The following KCNMA1 variants were observed in gnomAD, a reference collection of about 807,000 sequenced individuals.
KCNMA1 encodes potassium calcium-activated channel subfamily M alpha 1.
KCNMA1 carries 29 observed loss-of-function variants against 140.0 expected under a neutral mutation model. The ratio of observed to expected loss-of-function variants is 0.21; its 90% confidence interval spans 0.15 to 0.28. The LOEUF is 0.28. KCNMA1 is among the 10% of genes least tolerant of loss of function. The pLI is 1.00. For synonymous variants in KCNMA1, 612 were observed against 611.9 expected (o/e 1.00, Z 0.00); for missense variants, 880 against 1,602.2 (o/e 0.55, Z 7.70).
intron 3 of KCNMA1, among the ~76,000 whole-genome samples, chr10:77,238,264 C>T (rs891911860): frequency 8.5e-5 from 13 of 152,152 alleles, no homozygotes; most frequent in African/African-American, 3.1e-4. Flanking sequence ...ACAGAAGTGG[C>T]AGCTTTTGCA....
At chr10:77,439,209 G>T (rs2097341695) in intron 1 of KCNMA1, among the ~76,000 whole-genome samples, 1 of 152,106 alleles carries the variant, frequency 6.6e-6, no homozygotes, top group Non-Finnish European at 1.5e-5. Flanking sequence ...AGGTTGAAAG[G>T]ATTTCACAGA....
intron 19 of KCNMA1, among the ~76,000 whole-genome samples, chr10:76,984,248 G>A (rs2080509243): frequency 6.6e-6 from 1 of 151,926 alleles, no homozygotes; most frequent in Non-Finnish European, 1.5e-5. Context: ...AGGCTCCCAG[G>A]CTGGAATGCA....
intron 23 of KCNMA1, among the ~76,000 whole-genome samples, chr10:76,923,454 G>T (rs962178830): frequency 6.6e-6 from 1 of 150,444 alleles, no homozygotes; most frequent in African/African-American, 2.4e-5. Flanking sequence ...AAGAAAAAAA[G>T]AATTCGCTTA....
intron 1 of KCNMA1, among the ~76,000 whole-genome samples, chr10:77,409,408 C>T (rs1158871645): frequency 2.0e-5 from 3 of 152,216 alleles, no homozygotes. Context: ...AGCCAGGTGA[C>T]CACCGGGCCA....
chr10:77,272,098 T>G (rs779538873), intron 2 of KCNMA1, among the ~76,000 whole-genome samples: 1 of 152,206 alleles, frequency 6.6e-6, no homozygotes, highest in Non-Finnish European at 1.5e-5. Context: ...CCCCTCACAC[T>G]GTTTCATTTC....
intron 6 of KCNMA1, among the ~76,000 whole-genome samples, chr10:77,114,488 T>C (rs1031637521): frequency 6.6e-6 from 1 of 152,240 alleles, no homozygotes; most frequent in Non-Finnish European, 1.5e-5. Context: ...CAACACCTTG[T>C]GAAGTCCCAG....
At chr10:77,410,999 TTTTGTTTTG>T (rs1296439149) in intron 1 of KCNMA1, among the ~76,000 whole-genome samples, 2 of 152,128 alleles carry the variant, frequency 1.3e-5, no homozygotes, top group East Asian at 3.9e-4. Context: ...GTCTGTTTCT[TTTTGTTTTG>T]TTTGTTTTGT....
At chr10:77,032,931 T>C (rs1356033035) in intron 15 of KCNMA1, among the ~76,000 whole-genome samples, 3 of 152,112 alleles carry the variant, frequency 2.0e-5, no homozygotes, top group Non-Finnish European at 2.9e-5. Context: ...AAACCTGTCA[T>C]AGAGTTTGCA....
intron 25 of KCNMA1, among the ~76,000 whole-genome samples, chr10:76,908,999 T>G (rs1274168966): frequency 2.0e-5 from 3 of 152,246 alleles, no homozygotes; most frequent in African/African-American, 7.2e-5. Context: ...AACAAATGCC[T>G]GATTGCTAGA....
chr10:77,116,217 A>G (rs1170609214), intron 6 of KCNMA1, among the ~76,000 whole-genome samples: 1 of 152,210 alleles, frequency 6.6e-6, no homozygotes. Context: ...CATGTTGCCT[A>G]TACAATTCCT....
At chr10:77,172,357 A>G (rs961431931) in intron 5 of KCNMA1, among the ~76,000 whole-genome samples, 4 of 152,204 alleles carry the variant, frequency 2.6e-5, no homozygotes, top group African/African-American at 2.4e-5. Context: ...CATATAACAG[A>G]GCCATGCAAA....
At position 77,001,550 on chromosome 10, in the gene KCNMA1, C is replaced by T. The variant is rs77034142; in HGVS notation, c.2123G>A (p.Arg708Gln). The T allele has an allele frequency of 1.5e-4, 234 of 1,551,920 alleles. No individual in the cohort carries two copies. Among genetic ancestry groups the T allele is most frequent in the African/African-American group, 1.5e-4 (11 of 73,054 alleles). The change falls in exon 19 of 28, where the codon CGG becomes CAG. Residue 708 changes from arginine to glutamine, a missense_variant. Arg to Gln is a conservative substitution (Grantham distance 43). Transcript: ENST00000286628. ...ACGTCCGCAATCAAAACAACATGCC[C>T]GTCTCATTCTCTTGTAGATGGACAT... Reference protein sequence around the residue: ...PKMSIYKRMRRACCFDCGRSE... With the variant: ...PKMSIYKRMRQACCFDCGRSE...
At chr10:77,458,733 C>G (rs1415541604) in intron 1 of KCNMA1, among the ~76,000 whole-genome samples, 1 of 152,144 alleles carries the variant, frequency 6.6e-6, no homozygotes, top group East Asian at 1.9e-4. Flanking sequence ...CTGCAGACAA[C>G]CAAGGCTCAA....
At chr10:76,934,494 C>G (rs2060031174) in intron 23 of KCNMA1, among the ~76,000 whole-genome samples, 1 of 152,174 alleles carries the variant, frequency 6.6e-6, no homozygotes, top group Non-Finnish European at 1.5e-5. Context: ...ACACTCTGCA[C>G]AAGGAATACA....
intron 2 of KCNMA1, among the ~76,000 whole-genome samples, chr10:77,358,084 T>C (rs1025369475): frequency 1.3e-5 from 2 of 152,138 alleles, no homozygotes; most frequent in African/African-American, 4.8e-5. Flanking sequence ...AAGATGCAAG[T>C]GGAACAGCTC....
intron 9 of KCNMA1, among the ~76,000 whole-genome samples, chr10:77,096,339 A>G (rs551799205): frequency 6.6e-5 from 10 of 152,260 alleles, no homozygotes; most frequent in African/African-American, 2.4e-4. Context: ...ATCCTCACAC[A>G]GGGCTCCAGT....
rs139904997 is a variant in KCNMA1 at position 77,574,260 on chromosome 10, GTA to G, written c.378+63003_378+63004del. ...TATATATATTAATATCTATGCGTGT[GTA>G]TATATATATATATATAAAATCTAGC... On this transcript the variant is annotated intron_variant, in intron 1 of 27. Transcript: ENST00000286628. Among the ~76,000 whole-genome samples the G allele has an allele frequency of 2.4e-3, 362 of 148,158 alleles. 2 individuals are homozygous for G. The highest frequency in any genetic ancestry group is 0.011 in the East Asian group (58 of 5,094).
At chr10:76,913,364 T>C (rs543508559) in intron 24 of KCNMA1, 2 of 152,324 alleles carry the variant, frequency 1.3e-5, no homozygotes, top group African/African-American at 4.8e-5. Flanking sequence ...CCTGAGTCCA[T>C]TGTGAATCTC....
chr10:77,169,045 C>T (rs938584942), intron 5 of KCNMA1, among the ~76,000 whole-genome samples: 11 of 152,240 alleles, frequency 7.2e-5, no homozygotes, highest in African/African-American at 2.4e-4. Flanking sequence ...AGGACAGGTA[C>T]ATGTTACTTA....
Sources: gnomAD v4.1 joint callset for allele counts (sites outside exome capture counted in the v4.1 genomes callset) on GRCh38, gnomAD v4.1.1 for gene constraint, MANE v1.5 for transcripts, NCBI Gene and HGNC (gene_info 2026-07-23, HGNC 2026-07-21) for gene names.